The following GRID2 variants were observed in gnomAD, a reference collection of about 807,000 sequenced individuals.
GRID2 encodes glutamate ionotropic receptor delta type subunit 2, also known as glutamate receptor ionotropic, delta-2.
A neutral mutation model predicts 114.8 loss-of-function variants in GRID2; 33 were observed. That is an observed-to-expected ratio of 0.29 (90% CI 0.22 to 0.38). GRID2 has a LOEUF of 0.38. Among genes scored for constraint, GRID2 ranks in the 10% least tolerant of loss-of-function variants. GRID2 has a pLI of 1.00. For missense variants in GRID2, 1,184 were observed against 1,257.7 expected (o/e 0.94, Z 0.89); for synonymous variants, 505 against 449.9 (o/e 1.12, Z -1.55).
intron 2 of GRID2, among the ~76,000 whole-genome samples, chr4:92,786,444 A>G (rs1305526591): frequency 6.6e-6 from 1 of 151,804 alleles, no homozygotes; most frequent in Non-Finnish European, 1.5e-5. Flanking sequence ...TTTAAACTCT[A>G]TATTTTAACT....
At chr4:93,631,176 C>G (rs1390530863) in intron 14 of GRID2, among the ~76,000 whole-genome samples, 1 of 151,970 alleles carries the variant, frequency 6.6e-6, no homozygotes. Context: ...ATGACACACA[C>G]TTTTAACAAG....
chr4:92,582,119 C>G (rs1311563456), intron 1 of GRID2, among the ~76,000 whole-genome samples: 1 of 151,950 alleles, frequency 6.6e-6, no homozygotes, highest in East Asian at 1.9e-4. Flanking sequence ...GTTTCTGTAC[C>G]TGGCCACAAT....
chr4:92,420,843 C>T (rs1463869465), intron 1 of GRID2, among the ~76,000 whole-genome samples: 1 of 152,084 alleles, frequency 6.6e-6, no homozygotes, highest in Non-Finnish European at 1.5e-5. Context: ...TGCCATCATG[C>T]CCAGCTAATT....
At chr4:92,845,488 C>T (rs546117343) in intron 2 of GRID2, among the ~76,000 whole-genome samples, 3 of 152,180 alleles carry the variant, frequency 2.0e-5, no homozygotes, top group African/African-American at 7.2e-5. Flanking sequence ...AGTTATCTCC[C>T]TACTTTTTAT....
intron 8 of GRID2, among the ~76,000 whole-genome samples, chr4:93,344,267 C>G (rs1032075733): frequency 2.6e-5 from 4 of 151,802 alleles, no homozygotes; most frequent in African/African-American, 9.7e-5. Flanking sequence ...TGCTGCATGG[C>G]CAAAGATTCC....
At chr4:92,770,702 C>G (rs906347005) in intron 2 of GRID2, among the ~76,000 whole-genome samples, 4 of 152,068 alleles carry the variant, frequency 2.6e-5, no homozygotes, top group Non-Finnish European at 4.4e-5. Flanking sequence ...TTAAAACCAT[C>G]AGATCTCATG....
intron 13 of GRID2, among the ~76,000 whole-genome samples, chr4:93,611,879 T>G (rs1351162350): frequency 2.6e-5 from 4 of 151,766 alleles, no homozygotes. Flanking sequence ...TTGTTGACTT[T>G]CTGTCTCATG....
chr4:93,253,169 T>C (rs562231696), intron 8 of GRID2, among the ~76,000 whole-genome samples: 3 of 151,622 alleles, frequency 2.0e-5, no homozygotes, highest in South Asian at 4.2e-4. Flanking sequence ...GGCAGGAGAA[T>C]GGCGTGAACC....
chr4:92,648,107 T>G (rs1731738230), intron 2 of GRID2, among the ~76,000 whole-genome samples: 1 of 150,034 alleles, frequency 6.7e-6, no homozygotes, highest in Admixed American at 6.6e-5. Context: ...CCTTGTATAA[T>G]GACAATAAAA....
chr4:93,630,907 G>C (rs1388914847), intron 14 of GRID2, among the ~76,000 whole-genome samples: 1 of 152,112 alleles, frequency 6.6e-6, no homozygotes, highest in Non-Finnish European at 1.5e-5. Flanking sequence ...TCTTCTAAAA[G>C]CATATAAGAA....
intron 2 of GRID2, among the ~76,000 whole-genome samples, chr4:92,792,347 ATGTTC>A (rs1247419534): frequency 6.6e-6 from 1 of 151,554 alleles, no homozygotes; most frequent in Non-Finnish European, 1.5e-5. Context: ...TCCCACAGTA[ATGTTC>A]ATTAATACCT....
chr4:93,105,864 A>T (rs1421421541), intron 3 of GRID2, among the ~76,000 whole-genome samples: 1 of 152,126 alleles, frequency 6.6e-6, no homozygotes, highest in African/African-American at 2.4e-5. Flanking sequence ...CTATTTTAAG[A>T]TCAGACAATT....
intron 2 of GRID2, among the ~76,000 whole-genome samples, chr4:92,963,433 T>A (rs931137859): frequency 2.0e-5 from 3 of 151,998 alleles, no homozygotes; most frequent in Non-Finnish European, 2.9e-5. Context: ...GTCCATAGCA[T>A]CTTCAAAAGG....
intron 2 of GRID2, among the ~76,000 whole-genome samples, chr4:92,710,391 T>C (rs1336546250): frequency 6.6e-6 from 1 of 152,200 alleles, no homozygotes; most frequent in Non-Finnish European, 1.5e-5. Context: ...ACCAAAGTCT[T>C]ATAATTCATT....
At chr4:93,605,218 T>C (rs1313445694) in intron 13 of GRID2, among the ~76,000 whole-genome samples, 1 of 152,196 alleles carries the variant, frequency 6.6e-6, no homozygotes, top group East Asian at 1.9e-4. Context: ...TAAATTTAAA[T>C]GTGTTAAAAT....
At position 93,066,810 on chromosome 4, in the gene GRID2, C is replaced by G. The variant is rs185049344; in HGVS notation, c.245-18185C>G. Among the ~76,000 whole-genome samples the G allele has an allele frequency of 2.0e-5, 3 of 152,004 alleles. No individual in the cohort carries two copies. The Admixed American group carries it at 2.0e-4, about 10-fold the overall frequency. The stretch of plus-strand genomic sequence containing the variant: ...TCAAATTGCCAGCATTGCTCTTGCA[C>G]TTTGGGGCCACTATGACGTAAAATA... On this transcript the variant is annotated intron_variant, in intron 2 of 15. Coordinates refer to ENST00000282020, the MANE Select transcript of GRID2 (RefSeq NM_001510.4).
chr4:92,708,418 T>A (rs1306226515), intron 2 of GRID2, among the ~76,000 whole-genome samples: 3 of 152,116 alleles, frequency 2.0e-5, no homozygotes, highest in Admixed American at 6.6e-5. Context: ...TAATACTGTA[T>A]TTACAGACCA....
At chr4:92,705,868 G>A (rs12643444) in intron 2 of GRID2, among the ~76,000 whole-genome samples, 43,316 of 151,966 alleles carry the variant, frequency 0.29, 6,579 homozygotes, top group East Asian at 0.42. Context: ...TACAGATAAT[G>A]AAAATCTATA....
At chr4:93,571,639 T>C (rs1735939061) in intron 13 of GRID2, among the ~76,000 whole-genome samples, 1 of 151,388 alleles carries the variant, frequency 6.6e-6, no homozygotes, top group South Asian at 2.1e-4. Context: ...ACATCATCTG[T>C]AATAAATTGT....
Sources: gnomAD v4.1 joint callset for allele counts (sites outside exome capture counted in the v4.1 genomes callset) on GRCh38, gnomAD v4.1.1 for gene constraint, MANE v1.5 for transcripts, NCBI Gene and HGNC (gene_info 2026-07-23, HGNC 2026-07-21) for gene names.